The following ANO3 variants were observed in gnomAD, a reference collection of about 807,000 sequenced individuals.
ANO3 encodes anoctamin 3, also known as anoctamin-3.
A neutral mutation model predicts 144.8 loss-of-function variants in ANO3; 99 were observed. The ratio of observed to expected loss-of-function variants is 0.68; its 90% CI spans 0.58 to 0.81. The LOEUF (loss-of-function observed/expected upper bound fraction) is 0.81, where lower values mean the gene tolerates loss of function less well. Ranked by LOEUF, ANO3 falls within the 30% of genes least tolerant of loss-of-function variation. The pLI is 0.00. For missense variants in ANO3, 905 were observed against 1,202.2 expected (o/e 0.75, Z 3.66); for synonymous variants, 414 against 392.6 (o/e 1.05, Z -0.64).
intron 17 of ANO3, among the ~76,000 whole-genome samples, chr11:26,619,322 G>A (rs934620927): frequency 6.6e-6 from 1 of 151,976 alleles, no homozygotes; most frequent in Admixed American, 6.6e-5. Flanking sequence ...ATATTTAACT[G>A]GGGAGAAAAA....
At chr11:26,342,455 C>G (rs1301397618) in intron 1 of ANO3, among the ~76,000 whole-genome samples, 1 of 150,606 alleles carries the variant, frequency 6.6e-6, no homozygotes, top group Non-Finnish European at 1.5e-5. Flanking sequence ...TGCCCTTTTC[C>G]TATGCAAGGC....
intron 1 of ANO3, among the ~76,000 whole-genome samples, chr11:26,196,295 T>C (rs1851587111): frequency 6.6e-6 from 1 of 152,174 alleles, no homozygotes; most frequent in Admixed American, 6.5e-5. Context: ...TCCTCTAACA[T>C]TAAATAAATT....
rs369828185 is a variant in ANO3, at chr11:26,583,476, G to A, written c.1448-14889G>A. 2.0e-5 allele frequency among the ~76,000 whole-genome samples: 3 copies of A among 152,306 alleles called. No individual in the cohort carries two copies. In the East Asian group the frequency reaches 5.8e-4, roughly 29 times the overall value. ...CAACCAGTTCCAGATATTGCGCTGT[G>A]TCAAATACAGTTCGGTCCAAATGTT... On this transcript the variant is annotated intron_variant, in intron 14 of 26. Transcript: ENST00000256737.
intron 1 of ANO3, among the ~76,000 whole-genome samples, chr11:26,245,023 A>ATGTG (rs1852758325): frequency 2.5e-5 from 2 of 79,452 alleles, no homozygotes; most frequent in East Asian, 3.6e-4. Context: ...GTGTGTGTGC[A>ATGTG]TGCATGCATT....
intron 17 of ANO3, among the ~76,000 whole-genome samples, chr11:26,602,436 T>C (rs577660486): frequency 6.6e-6 from 1 of 152,142 alleles, no homozygotes; most frequent in East Asian, 1.9e-4. Context: ...ATTAAAATAT[T>C]AGAAGAGGGG....
At chr11:26,460,159 C>T (rs1420080802) in intron 3 of ANO3, 1 of 438,528 alleles carries the variant, frequency 2.3e-6, no homozygotes, top group Non-Finnish European at 4.5e-6. Flanking sequence ...AAACTATCTG[C>T]ATACTCTAAT....
chr11:26,416,938 C>T (rs1379874503), intron 1 of ANO3, among the ~76,000 whole-genome samples: 3 of 151,974 alleles, frequency 2.0e-5, no homozygotes, highest in Middle Eastern at 3.2e-3. Context: ...CTAAACTATC[C>T]TCTAATAGTT....
chr11:26,383,526 A>G (rs1484657627), intron 1 of ANO3, among the ~76,000 whole-genome samples: 1 of 120,004 alleles, frequency 8.3e-6, no homozygotes, highest in Non-Finnish European at 2.0e-5. Flanking sequence ...GATGACAGCA[A>G]TATATATAAT....
chr11:26,651,193 T>G (rs544302073), intron 24 of ANO3, among the ~76,000 whole-genome samples: 1 of 152,332 alleles, frequency 6.6e-6, no homozygotes, highest in East Asian at 1.9e-4. Flanking sequence ...ATATTTGATG[T>G]TATAAAATCA....
At chr11:26,590,998 C>T (rs1851434176) in intron 14 of ANO3, among the ~76,000 whole-genome samples, 1 of 152,168 alleles carries the variant, frequency 6.6e-6, no homozygotes, top group South Asian at 2.1e-4. Flanking sequence ...TGTCCCTCCC[C>T]CACGCTCTCA....
In ANO3 at chr11:26,660,331, C is replaced by T. The variant is rs566127474; in HGVS notation, c.2833C>T (p.Arg945Ter). 8 of 1,613,448 alleles carry T rather than the reference C, an allele frequency of 5.0e-6. No homozygotes were observed. The highest frequency in any genetic ancestry group is 1.7e-5 in the Admixed American group (1 of 59,944). The stretch of plus-strand genomic sequence containing the variant: ...AGACGTACCAAAGGGTCTACATGAC[C>T]GAATACGACGAGAGAAGTACTTAGT... ...IPDVPKGLHDRIRREKYLVQE... is the reference protein window; with the variant it reads ...IPDVPKGLHD The change falls in exon 27 of 27, where the codon CGA (arginine) becomes TGA (stop). Residue 945 changes from arginine (R) to a stop codon, truncating the protein, a stop_gained. Coordinates refer to ENST00000256737, the MANE Select transcript of ANO3 (RefSeq NM_031418.4). LOFTEE classifies it high-confidence loss of function.
At chr11:26,494,036 G>T (rs997668351) in intron 4 of ANO3, among the ~76,000 whole-genome samples, 1 of 152,046 alleles carries the variant, frequency 6.6e-6, no homozygotes, top group Non-Finnish European at 1.5e-5. Flanking sequence ...AACTTTTTCT[G>T]TGATTTCATT....
intron 1 of ANO3, among the ~76,000 whole-genome samples, chr11:26,265,720 G>A (rs755038493): frequency 1.3e-4 from 20 of 152,152 alleles, no homozygotes; most frequent in Non-Finnish European, 1.2e-4. Flanking sequence ...ACGTAATGGT[G>A]GCTCAAGACT....
chr11:26,286,658 C>A (rs1853813954), intron 1 of ANO3, among the ~76,000 whole-genome samples: 1 of 152,180 alleles, frequency 6.6e-6, no homozygotes, highest in Non-Finnish European at 1.5e-5. Flanking sequence ...CTCTAACACT[C>A]TCCCAGAAGA....
chr11:26,457,467 C>G (rs1168973527), intron 3 of ANO3, among the ~76,000 whole-genome samples: 1 of 151,908 alleles, frequency 6.6e-6, no homozygotes, highest in Non-Finnish European at 1.5e-5. Context: ...CCCTAAATTA[C>G]TTATTTTTTT....
chr11:26,507,580 G>C (rs1274112293), intron 4 of ANO3, among the ~76,000 whole-genome samples: 1 of 152,194 alleles, frequency 6.6e-6, no homozygotes, highest in Non-Finnish European at 1.5e-5. Context: ...TGCCTGGATT[G>C]AGTACTATGT....
chr11:26,298,578 G>T (rs1421461319), intron 1 of ANO3, among the ~76,000 whole-genome samples: 2 of 152,120 alleles, frequency 1.3e-5, no homozygotes, highest in African/African-American at 2.4e-5. Flanking sequence ...GTAAAGTGGG[G>T]CTTCATTGAA....
chr11:26,447,636 TAGAA>T (rs921515808), intron 3 of ANO3, among the ~76,000 whole-genome samples: 2 of 152,228 alleles, frequency 1.3e-5, no homozygotes, highest in African/African-American at 4.8e-5. Context: ...AATGATTAGT[TAGAA>T]AGCTAATTGA....
At chr11:26,453,812 T>C (rs1487214225) in intron 3 of ANO3, among the ~76,000 whole-genome samples, 1 of 152,076 alleles carries the variant, frequency 6.6e-6, no homozygotes, top group East Asian at 1.9e-4. Context: ...TATTCCAAAA[T>C]TGACCACATG....
Sources: gnomAD v4.1 joint callset for allele counts (sites outside exome capture counted in the v4.1 genomes callset) on GRCh38, gnomAD v4.1.1 for gene constraint, MANE v1.5 for transcripts, NCBI Gene and HGNC (gene_info 2026-07-23, HGNC 2026-07-21) for gene names.